The following INTS4 variants were observed in gnomAD, a reference collection of about 807,000 sequenced individuals.
The protein encoded by INTS4 is integrator complex subunit 4.
A neutral mutation model predicts 119.5 loss-of-function variants in INTS4; 70 were observed. The ratio of observed to expected loss-of-function variants is 0.59; its 90% CI spans 0.48 to 0.71. INTS4 has a LOEUF of 0.71. Ranked by LOEUF, INTS4 falls within the 30% of genes least tolerant of loss-of-function variation. The pLI is 0.00. For synonymous variants in INTS4, 316 were observed against 419.6 expected, an observed-to-expected ratio of 0.75 and a Z score of 3.02; for missense variants, 867 against 1,173.2, an observed-to-expected ratio of 0.74 and a Z score of 3.81.
chr11:77,881,476 A>G (rs663674), intron 22 of INTS4, among the ~76,000 whole-genome samples: 38,541 of 152,118 alleles, frequency 0.25, 5,192 homozygotes, highest in African/African-American at 0.35. Context: ...CGGAAGGGAC[A>G]TAGCACAGTG....
intron 18 of INTS4, chr11:77,900,666 C>T (rs1159967879): frequency 5.8e-6 from 4 of 691,274 alleles, no homozygotes; most frequent in East Asian, 2.7e-5. Context: ...TCTTAAGATG[C>T]ACCTTTATTT....
rs1245594551 is a variant in INTS4 at position 77,993,858 on chromosome 11, A to G, written c.54+732T>C. On this transcript the variant is annotated intron_variant, in intron 1 of 22. Coordinates refer to ENST00000534064, the MANE Select transcript of INTS4 (RefSeq NM_033547.4). ...ATCAAATAGAATCGACATTTGAACAACGTCCCCAGGTAATTTGTATACACA... is the reference window on the plus strand; with the variant it reads ...ATCAAATAGAATCGACATTTGAACAGCGTCCCCAGGTAATTTGTATACACA... 4.6e-5 allele frequency among the ~76,000 whole-genome samples: 7 copies of G among 152,106 alleles called. No homozygotes were observed. The South Asian group carries it at 1.2e-3, about 27-fold the overall frequency.
At chr11:77,960,631 G>T (rs543606206) in intron 5 of INTS4, among the ~76,000 whole-genome samples, 1 of 152,176 alleles carries the variant, frequency 6.6e-6, no homozygotes, top group Non-Finnish European at 1.5e-5. Context: ...ATAATGATAT[G>T]AAGCCTAAAG....
chr11:77,891,853 A>G lies in INTS4; in HGVS notation c.2289-13T>C, dbSNP rs1952283954. On this transcript the variant is annotated splice_polypyrimidine_tract_variant and intron_variant, in intron 19 of 22. Transcript: ENST00000534064. ...AGCGATGAAATACCTGGAGGAACAA[A>G]CAGAAGCAACTGACTCATTCAACTG... 1 of 1,610,748 alleles carries G rather than the reference A, an allele frequency of 6.2e-7. No homozygotes were observed.
intron 19 of INTS4, among the ~76,000 whole-genome samples, chr11:77,892,946 G>A (rs1174680373): frequency 6.6e-6 from 1 of 152,208 alleles, no homozygotes; most frequent in Non-Finnish European, 1.5e-5. Flanking sequence ...TTACCTGCTG[G>A]TGAAGGTAGT....
At chr11:77,921,499 C>T (rs1288647754) in intron 13 of INTS4, 26 bp from the exon 14 acceptor site, 2 of 1,570,430 alleles carry the variant, frequency 1.3e-6, no homozygotes, top group Non-Finnish European at 1.8e-6. Flanking sequence ...GTTAAGTAAA[C>T]TTGGAAGTAT....
rs750591754 is a variant in INTS4, at chr11:77,918,925, T to C, written c.1818A>G (p.Gln606=). 5 of 1,613,846 alleles carry C rather than the reference T, an allele frequency of 3.1e-6. No individual in the cohort carries two copies. Among genetic ancestry groups the C allele is most frequent in the African/African-American group, 1.3e-5 (1 of 74,922 alleles). Residue 606 remains glutamine, a synonymous_variant, in exon 15 of 23, where the codon CAA becomes CAG. Coordinates refer to ENST00000534064, the MANE Select transcript of INTS4 (RefSeq NM_033547.4). ...GCAGGAACTGCTGGGAAGGATCCTCTTGAGGTATGATGCTGGGAGAAACAG... is the reference window on the plus strand; with the variant it reads ...GCAGGAACTGCTGGGAAGGATCCTCCTGAGGTATGATGCTGGGAGAAACAG... ...SSAVSPSIIP[Q]EDPSQQFLQQ... is the part of the protein sequence containing the mutation.
chr11:77,893,407 A>C (rs1387865883), intron 19 of INTS4, among the ~76,000 whole-genome samples: 1 of 152,110 alleles, frequency 6.6e-6, no homozygotes, highest in Non-Finnish European at 1.5e-5. Flanking sequence ...GAAGTTTGAG[A>C]CCAGCCTGAG....
intron 18 of INTS4, among the ~76,000 whole-genome samples, chr11:77,900,316 C>T (rs190865470): frequency 6.6e-6 from 1 of 152,136 alleles, no homozygotes; most frequent in Admixed American, 6.5e-5. Flanking sequence ...AGCCAGGATG[C>T]TCTTGATCTC....
At chr11:77,909,597 G>T (rs1953043000) in intron 15 of INTS4, among the ~76,000 whole-genome samples, 1 of 152,156 alleles carries the variant, frequency 6.6e-6, no homozygotes, top group Non-Finnish European at 1.5e-5. Context: ...TGCAGTATAT[G>T]AATTTGGGGG....
intron 4 of INTS4, among the ~76,000 whole-genome samples, chr11:77,970,740 G>C (rs935659905): frequency 6.6e-6 from 1 of 152,026 alleles, no homozygotes; most frequent in Non-Finnish European, 1.5e-5. Flanking sequence ...GAGGCAGGAG[G>C]ATCACTTGAG....
intron 4 of INTS4, among the ~76,000 whole-genome samples, chr11:77,963,038 A>G (rs1326333802): frequency 1.3e-5 from 2 of 152,084 alleles, no homozygotes; most frequent in Admixed American, 1.3e-4. Flanking sequence ...AAATTCAAAA[A>G]CAAAACAAAT....
intron 4 of INTS4, among the ~76,000 whole-genome samples, chr11:77,976,121 A>AT (rs35148841): frequency 0.28 from 43,289 of 152,010 alleles, 6,507 homozygotes; most frequent in African/African-American, 0.39. Flanking sequence ...CAAAAAAGAG[A>AT]TTTTTTAAAA....
chr11:77,929,746 G>A (rs1953600923), intron 10 of INTS4, among the ~76,000 whole-genome samples: 1 of 152,134 alleles, frequency 6.6e-6, no homozygotes, highest in Non-Finnish European at 1.5e-5. Context: ...GTTGGAGGGT[G>A]ATCTTGAATA....
At chr11:77,989,648 G>A (rs1856587907) in intron 2 of INTS4, among the ~76,000 whole-genome samples, 1 of 151,790 alleles carries the variant, frequency 6.6e-6, no homozygotes, top group Non-Finnish European at 1.5e-5. Context: ...TCAGCAATTT[G>A]GAAGCCCAAG....
intron 4 of INTS4, 111 bp from the exon 5 acceptor site, chr11:77,961,249 G>A (rs1954468973): frequency 1.5e-6 from 2 of 1,349,624 alleles, no homozygotes; most frequent in Non-Finnish European, 1.9e-6. Flanking sequence ...AGCAACCTTA[G>A]GGGTGATTTC....
chr11:77,924,697 T>C, intron 12 of INTS4, 53 bp downstream of exon 12: 2 of 1,520,512 alleles, frequency 1.3e-6, no homozygotes, highest in Non-Finnish European at 1.8e-6. Context: ...GTCAGCATTA[T>C]ACATTTACCA....
At chr11:77,908,727 G>T (rs1400726398) in intron 15 of INTS4, among the ~76,000 whole-genome samples, 3 of 152,218 alleles carry the variant, frequency 2.0e-5, no homozygotes, top group Non-Finnish European at 4.4e-5. Flanking sequence ...CATTGAGGTG[G>T]TTTTCTGGAT....
At chr11:77,985,907 T>C (rs2136657711) in intron 2 of INTS4, among the ~76,000 whole-genome samples, 1 of 152,190 alleles carries the variant, frequency 6.6e-6, no homozygotes, top group South Asian at 2.1e-4. Flanking sequence ...CAGATACTAA[T>C]GCCTGATCAC....
Sources: allele counts gnomAD v4.1 joint callset (sites outside exome capture counted in the v4.1 genomes callset), GRCh38; gene constraint gnomAD v4.1.1; transcripts MANE v1.5; gene names NCBI Gene and HGNC (gene_info 2026-07-23, HGNC 2026-07-21).